The following MPV17 variants were observed in gnomAD, a reference collection of about 807,000 sequenced individuals.
The protein encoded by MPV17 is mitochondrial inner membrane protein MPV17, also known as MPV17, mitochondrial inner membrane protein.
MPV17 carries 31 observed loss-of-function variants against 28.6 expected under a neutral mutation model. That is an observed-to-expected ratio of 1.08 (90% CI 0.81 to 1.46). The LOEUF is 1.46. MPV17 is among the 40% of genes most tolerant of loss of function. The probability of loss-of-function intolerance (pLI) is 0.00; values close to 1 mark genes in which losing one functional copy is unlikely to be tolerated. For missense variants in MPV17, 198 were observed against 216.2 expected (o/e 0.92, Z 0.53); for synonymous variants, 87 against 85.3 (o/e 1.02, Z -0.11).
rs534575696 is a variant in MPV17 at position 27,311,421 on chromosome 2, G to A, written c.461+478C>T. 160 of 673,958 alleles carry A rather than the reference G, an allele frequency of 2.4e-4. 1 individual carries two copies. The highest frequency in any genetic ancestry group is 1.7e-3 in the Middle Eastern group (4 of 2,424). The allele number at this position is 673,958 out of a possible 1,614,324, so 41.7% of individuals were successfully genotyped here. A position where few individuals can be genotyped will look rare whatever the true frequency, so the allele number is the denominator to read the frequency against. On this transcript the variant is annotated intron_variant, in intron 7 of 7. Coordinates refer to ENST00000380044, the MANE Select transcript of MPV17 (RefSeq NM_002437.5). ...ATTTTGGCCCTGTTCCCTCTGAAGC[G>A]TTCCATATTTTCCCCTGTTCCCACG... is the stretch of plus-strand genomic sequence containing the variant.
intron 2 of MPV17, among the ~76,000 whole-genome samples, chr2:27,318,370 T>C (rs1572550519): frequency 6.6e-6 from 1 of 151,250 alleles, no homozygotes; most frequent in African/African-American, 2.4e-5. Flanking sequence ...CCGGCCTTTT[T>C]TTTTTCAGAT....
chr2:27,320,376 G>A (rs1353965860), intron 2 of MPV17, among the ~76,000 whole-genome samples: 1 of 144,720 alleles, frequency 6.9e-6, no homozygotes, highest in Non-Finnish European at 1.5e-5. Context: ...CGCTCTTGTT[G>A]CCCAGGCTGG....
chr2:27,320,680 A>C (rs1245623925), intron 2 of MPV17, among the ~76,000 whole-genome samples: 2 of 152,216 alleles, frequency 1.3e-5, no homozygotes, highest in Non-Finnish European at 2.9e-5. Flanking sequence ...AAAGAAGCTT[A>C]CTGACTTGTC....
At chr2:27,315,945 C>G in intron 2 of MPV17, 1 of 1,458,530 alleles carries the variant, frequency 6.9e-7, no homozygotes, top group Non-Finnish European at 9.0e-7. Flanking sequence ...GGCCTTCTCT[C>G]AAGGAGGACC....
At chr2:27,312,159 A>G in intron 6 of MPV17, 55 bp downstream of exon 6, 1 of 1,588,158 alleles carries the variant, frequency 6.3e-7, no homozygotes, top group Non-Finnish European at 8.6e-7. Context: ...CAATCCCAGG[A>G]CAGTTCTAGA....
intron 2 of MPV17, among the ~76,000 whole-genome samples, chr2:27,314,121 T>G (rs1162857031): frequency 6.6e-6 from 1 of 152,116 alleles, no homozygotes; most frequent in Non-Finnish European, 1.5e-5. Context: ...GCCCAAGAGT[T>G]TGAGTCCAGC....
At position 27,309,919 on chromosome 2, in the gene MPV17, C is replaced by T. The variant is rs746180658; in HGVS notation, c.524G>A (p.Arg175Gln). 10 of 1,613,538 alleles carry T rather than the reference C, an allele frequency of 6.2e-6. No individual in the cohort carries two copies. In the Admixed American group the frequency reaches 8.3e-5, roughly 13 times the overall value. The stretch of plus-strand genomic sequence containing the variant: ...CGATGGAGTGAGGCAGGCTTAGAGC[C>T]GATGTGCCTTCCAGGACAGGTAGGA... ...WNSYLSWKAH[R>Q]L The change falls in exon 8 of 8, where the codon CGG becomes CAG. Residue 175 changes from arginine (R) to glutamine (Q), a missense_variant. Physicochemically the swap from Arg to Gln is conservative, Grantham distance 43 (BLOSUM62 1). Coordinates refer to ENST00000380044, the MANE Select transcript of MPV17 (RefSeq NM_002437.5).
At chr2:27,316,342 G>A (rs1679650804) in intron 2 of MPV17, among the ~76,000 whole-genome samples, 1 of 152,190 alleles carries the variant, frequency 6.6e-6, no homozygotes, top group South Asian at 2.1e-4. Context: ...ATGGATTCAA[G>A]TCCCCCAGAC....
chr2:27,313,343 G>A, intron 2 of MPV17: 1 of 900,370 alleles, frequency 1.1e-6, no homozygotes, highest in Non-Finnish European at 1.7e-6. Flanking sequence ...CCAGGTCCAG[G>A]AACTTTGCAT....
At chr2:27,315,832 G>A in intron 2 of MPV17, 1 of 1,217,280 alleles carries the variant, frequency 8.2e-7, no homozygotes, top group African/African-American at 1.5e-5. Flanking sequence ...AAAGTGTTGG[G>A]ATTATAGGTG....
At chr2:27,322,172 G>A (rs151045753) in intron 2 of MPV17, 23 of 543,658 alleles carry the variant, frequency 4.2e-5, no homozygotes, top group African/African-American at 3.6e-4. Flanking sequence ...GGCCTCCTGG[G>A]GCAATGCCTT....
rs750197174 is a variant in MPV17 at position 27,322,478 on chromosome 2, G to A, written c.40C>T (p.His14Tyr). The part of the protein sequence containing the change: ...WRAYQRALAA[H>Y]PWKVQVLTAG... ...GTCAGGACCTGTACTTTCCACGGGT[G>A]AGCGGCCAGGGCCCGCTGGTATGCC... is the stretch of plus-strand genomic sequence containing the variant. The change falls in exon 2 of 8, where the codon CAC (histidine) becomes TAC (tyrosine). Residue 14 changes from histidine (H) to tyrosine (Y), a missense_variant. By Grantham distance (83) the His-to-Tyr change is moderately conservative (BLOSUM62 2). Coordinates refer to ENST00000380044, the MANE Select transcript of MPV17 (RefSeq NM_002437.5). 1 of 1,614,002 alleles carries A rather than the reference G, an allele frequency of 6.2e-7. No individual in the cohort carries two copies. The highest frequency in any genetic ancestry group is 1.7e-5 in the Admixed American group (1 of 60,010).
At chr2:27,321,064 G>C (rs1210573903) in intron 2 of MPV17, among the ~76,000 whole-genome samples, 3 of 152,236 alleles carry the variant, frequency 2.0e-5, no homozygotes, top group Non-Finnish European at 4.4e-5. Flanking sequence ...TCGGCACCTA[G>C]GCCTCCTTGG....
Position 27,317,733 on chromosome 2 carries a change from C to T in MPV17, c.71-4624G>A, listed in dbSNP as rs1221177480. ...ACCGAGTAGACTAAGATGGATGAAG[C>T]TCGGCCCTGGGCCCACTGGAGAGTG... On this transcript the variant is annotated intron_variant, in intron 2 of 7. Transcript: ENST00000380044. This position sits in a 1 kb window ranked among gnomAD's most constrained non-coding sequence, Gnocchi z 4.0. Among the ~76,000 whole-genome samples, 2 of 152,228 alleles carry T rather than the reference C, an allele frequency of 1.3e-5. No homozygotes were observed. Among genetic ancestry groups the T allele is most frequent in the African/African-American group, 4.8e-5 (2 of 41,456 alleles).
Position 27,317,152 on chromosome 2 carries a change from C to T in MPV17, c.71-4043G>A, listed in dbSNP as rs1214308625. On this transcript the variant is annotated intron_variant, in intron 2 of 7. Transcript: ENST00000380044. This position sits in a 1 kb window ranked among gnomAD's most constrained non-coding sequence, Gnocchi z 4.0. Reference sequence around the variant, plus strand: ...GCTTCTTGGAGTGAGGAGCAGGAAGCGTGTCCTTCAGTCCAGGAGGCCTGG... The same window carrying T: ...GCTTCTTGGAGTGAGGAGCAGGAAGTGTGTCCTTCAGTCCAGGAGGCCTGG... 4.5e-6 allele frequency: 7 copies of T among 1,550,220 alleles called. No individual in the cohort carries two copies. Among genetic ancestry groups the T allele is most frequent in the Admixed American group, 3.9e-5 (2 of 50,972 alleles).
At chr2:27,321,816 T>C (rs1052391666) in intron 2 of MPV17, 1 of 155,098 alleles carries the variant, frequency 6.4e-6, no homozygotes, top group African/African-American at 2.4e-5. Flanking sequence ...GATACATATT[T>C]AGGCAGTAAA....
Position 27,317,091 on chromosome 2 carries a change from G to C in MPV17, c.71-3982C>G. ...TCCTCTACTTACTTTTGTGGCTTTTGAGTTTCATGCGCAGAAGGCAGAGGG... is the reference window on the plus strand; with the variant it reads ...TCCTCTACTTACTTTTGTGGCTTTTCAGTTTCATGCGCAGAAGGCAGAGGG... On this transcript the variant is annotated intron_variant, in intron 2 of 7. Coordinates refer to ENST00000380044, the MANE Select transcript of MPV17 (RefSeq NM_002437.5). The surrounding 1 kb of genome is among the most constrained non-coding windows in gnomAD (Gnocchi z 4.0). The C allele has an allele frequency of 1.3e-6, 2 of 1,548,448 alleles. No individual in the cohort carries two copies. Among genetic ancestry groups the C allele is most frequent in the Non-Finnish European group, 1.7e-6 (2 of 1,146,544 alleles).
chr2:27,311,767 A>T, intron 7 of MPV17, 132 bp downstream of exon 7: 1 of 1,561,934 alleles, frequency 6.4e-7, no homozygotes, highest in Admixed American at 2.0e-5. Flanking sequence ...TGGGAATCTG[A>T]GGAACTCTGA....
At chr2:27,312,015 GC>G (rs1679463102) in intron 6 of MPV17, 64 bp from the exon 7 acceptor site, 2 of 1,585,218 alleles carry the variant, frequency 1.3e-6, no homozygotes, top group East Asian at 4.5e-5. Flanking sequence ...TCACTGTCTT[GC>G]CTGGCCCTAC....
Sources: gnomAD v4.1 joint callset for allele counts (sites outside exome capture counted in the v4.1 genomes callset) on GRCh38, gnomAD v4.1.1 for gene constraint, Gnocchi (gnomAD v3.1) non-coding constraint, MANE v1.5 for transcripts, NCBI Gene and HGNC (gene_info 2026-07-23, HGNC 2026-07-21) for gene names.